Variants in PHKB observed in about 807,000 individuals in gnomAD.
PHKB encodes phosphorylase b kinase regulatory subunit beta.
Under a neutral mutation model 152.1 loss-of-function variants are expected in PHKB, and 122 were observed. The ratio of observed to expected loss-of-function variants is 0.80; its 90% confidence interval spans 0.69 to 0.93. The LOEUF (loss-of-function observed/expected upper bound fraction) is 0.93. PHKB is among the 40% of genes least tolerant of loss of function. The probability of loss-of-function intolerance (pLI) is 0.00; values close to 1 mark genes in which losing one functional copy is unlikely to be tolerated. For missense variants in PHKB, 1,304 were observed against 1,328.4 expected, an observed-to-expected ratio of 0.98 and a Z score of 0.29; for synonymous variants, 436 against 464.9, an observed-to-expected ratio of 0.94 and a Z score of 0.80.
Position 47,461,409 on chromosome 16 carries a change from C to G in PHKB, c.59C>G (p.Ala20Gly). 2 of 1,613,258 alleles carry G rather than the reference C, an allele frequency of 1.2e-6. No homozygotes were observed. The highest frequency in any genetic ancestry group is 1.7e-6 in the Non-Finnish European group (2 of 1,179,800). Reference protein sequence around the residue: ...EVSWKVLERRARTKRSGSVYE... With the variant: ...EVSWKVLERRGRTKRSGSVYE... ...AGCTGGAAGGTCTTGGAGCGAAGAG[C>G]TCGGACCAAGCGCTCAGGTTTGGCT... Residue 20 changes from alanine to glycine, a missense_variant, in exon 1 of 31, where the codon GCT (alanine) becomes GGT (glycine). Transcript: ENST00000323584.
intron 1 of PHKB, among the ~76,000 whole-genome samples, chr16:47,466,939 G>A (rs969074264): frequency 1.3e-5 from 2 of 152,066 alleles, no homozygotes; most frequent in African/African-American, 4.8e-5. Context: ...CGTACACCTG[G>A]GTCTGATTCA....
intron 6 of PHKB, among the ~76,000 whole-genome samples, chr16:47,516,029 G>A (rs558694994): frequency 6.6e-6 from 1 of 151,648 alleles, no homozygotes; most frequent in South Asian, 2.1e-4. Flanking sequence ...CCAGGTTCAA[G>A]CGATTCCCCT....
Position 47,699,342 on chromosome 16 carries a change from T to C in PHKB, c.3258T>C (p.Asn1086=). ...LLLEGEVKPN[N]DDPCLIS ...TGGAAGGAGAAGTCAAGCCAAACAA[T>C]GATGACCCGTGTCTGATTAGCTAGT... Residue 1086 remains asparagine, a synonymous_variant, in exon 31 of 31, where the codon AAT becomes AAC. Transcript: ENST00000323584. 6.2e-7 allele frequency: 1 copy of C among 1,614,114 alleles called. No homozygotes were observed. The highest frequency in any genetic ancestry group is 1.1e-5 in the South Asian group (1 of 91,080).
chr16:47,569,658 C>T (rs1320171954), intron 7 of PHKB, among the ~76,000 whole-genome samples: 2 of 152,152 alleles, frequency 1.3e-5, no homozygotes, highest in African/African-American at 4.8e-5. Context: ...GTCACTCTGT[C>T]ACCCAGGCTG....
At position 47,540,822 on chromosome 16, in the gene PHKB, T is replaced by G. The variant is rs1463477599; in HGVS notation, c.595-6611T>G. Among the ~76,000 whole-genome samples, 6 of 136,386 alleles carry G rather than the reference T, an allele frequency of 4.4e-5. No individual in the cohort carries two copies. In the East Asian group the frequency reaches 1.1e-3, roughly 24 times the overall value. The allele number at this position is 136,386 out of a possible 152,430, so 89.5% of individuals were successfully genotyped here. A position where few individuals can be genotyped will look rare whatever the true frequency, so the allele number is the denominator to read the frequency against. On this transcript the variant is annotated intron_variant, in intron 6 of 30. Coordinates refer to ENST00000323584, the MANE Select transcript of PHKB (RefSeq NM_000293.3). ...TAGTATCTAATCTAAATGTCCTGTT[T>G]TTTTTTTTTTTTTTTTTTTTGGAGA... is the stretch of plus-strand genomic sequence containing the variant.
At chr16:47,542,927 A>G (rs931495293) in intron 6 of PHKB, among the ~76,000 whole-genome samples, 2 of 152,200 alleles carry the variant, frequency 1.3e-5, no homozygotes, top group African/African-American at 4.8e-5. Context: ...TTCTAAATAT[A>G]CAATCATGTC....
intron 28 of PHKB, among the ~76,000 whole-genome samples, chr16:47,695,134 A>G (rs1239399024): frequency 6.6e-6 from 1 of 152,174 alleles, no homozygotes; most frequent in Non-Finnish European, 1.5e-5. Flanking sequence ...GACCCCTGGC[A>G]GTGTAGCTGC....
intron 1 of PHKB, among the ~76,000 whole-genome samples, chr16:47,474,874 G>A (rs1969841899): frequency 6.6e-6 from 1 of 152,054 alleles, no homozygotes; most frequent in Non-Finnish European, 1.5e-5. Context: ...ACAGGCATGC[G>A]CCACCATGCC....
intron 6 of PHKB, among the ~76,000 whole-genome samples, chr16:47,531,139 A>C (rs569277507): frequency 8.5e-4 from 130 of 152,282 alleles, no homozygotes; most frequent in Non-Finnish European, 1.6e-3. Context: ...GAAATGACTT[A>C]TATACACCCC....
intron 7 of PHKB, among the ~76,000 whole-genome samples, chr16:47,563,994 C>CTTTTTTTTTTTT (rs899061752): frequency 1.2e-5 from 1 of 82,026 alleles, no homozygotes; most frequent in African/African-American, 4.5e-5. Context: ...TTATTTCATT[C>CTTTTTTTTTTTT]TTTTTTTTTT....
intron 7 of PHKB, among the ~76,000 whole-genome samples, chr16:47,548,606 CA>C (rs11333810): frequency 0.2 from 16,670 of 83,436 alleles, 1,766 homozygotes; most frequent in African/African-American, 0.41. Context: ...GACTCCGTCT[CA>C]AAAAAAAAAA....
At chr16:47,653,619 C>T (rs1254416083) in intron 20 of PHKB, among the ~76,000 whole-genome samples, 7 of 151,988 alleles carry the variant, frequency 4.6e-5, no homozygotes, top group Non-Finnish European at 1.0e-4. Context: ...TCATATTAAC[C>T]AGAAATCTAC....
rs1308714279 is a variant in PHKB at position 47,669,376 on chromosome 16, T to G, written c.2589T>G (p.Asn863Lys). 6.2e-7 allele frequency: 1 copy of G among 1,614,210 alleles called. No individual in the cohort carries two copies. The highest frequency in any genetic ancestry group is 8.5e-7 in the Non-Finnish European group (1 of 1,180,020). ...TCCATATTGGCTGGATCATCTCCAA[T>G]AACCCTGAGTTATTCAGTGGCATGC... ...LVIHIGWIISNNPELFSGMLK... is the reference protein window; with the variant it reads ...LVIHIGWIISKNPELFSGMLK... Residue 863 changes from asparagine to lysine, a missense_variant, in exon 26 of 31, where the codon AAT becomes AAG. Transcript: ENST00000323584.
chr16:47,620,265 A>G (rs1219509089), intron 14 of PHKB, among the ~76,000 whole-genome samples: 2 of 152,248 alleles, frequency 1.3e-5, no homozygotes. Flanking sequence ...TCAATATTCA[A>G]GAGTACAAAT....
intron 28 of PHKB, among the ~76,000 whole-genome samples, chr16:47,693,833 T>G (rs1205983564): frequency 6.6e-6 from 1 of 152,208 alleles, no homozygotes; most frequent in African/African-American, 2.4e-5. Context: ...TATTCCCTTT[T>G]TAAAAACCAC....
chr16:47,693,445 G>A lies in PHKB; in HGVS notation c.2833G>A (p.Val945Met). 1 of 1,614,082 alleles carries A rather than the reference G, an allele frequency of 6.2e-7. No individual in the cohort carries two copies. Among genetic ancestry groups the A allele is most frequent in the Non-Finnish European group, 8.5e-7 (1 of 1,179,996 alleles). The change falls in exon 28 of 31, where the codon GTG becomes ATG. Residue 945 changes from valine to methionine, a missense_variant. Coordinates refer to ENST00000323584, the MANE Select transcript of PHKB (RefSeq NM_000293.3). The stretch of plus-strand genomic sequence containing the variant: ...AACTCCCACCGGGTTCTATGACCGA[G>A]TGTGGCAGATTCTGGAGCGCACGCC... Reference protein sequence around the residue: ...NRTPTGFYDRVWQILERTPNG... With the variant: ...NRTPTGFYDRMWQILERTPNG...
intron 7 of PHKB, among the ~76,000 whole-genome samples, chr16:47,551,554 T>G (rs1341762830): frequency 6.6e-6 from 1 of 152,240 alleles, no homozygotes; most frequent in Non-Finnish European, 1.5e-5. Flanking sequence ...TGAGTTCTAA[T>G]TTGATTGCAC....
chr16:47,591,422 A>G (rs1279387165), intron 10 of PHKB, among the ~76,000 whole-genome samples: 1 of 152,062 alleles, frequency 6.6e-6, no homozygotes, highest in Non-Finnish European at 1.5e-5. Context: ...GTCGGAGTGG[A>G]TGCTTTTCTG....
intron 4 of PHKB, among the ~76,000 whole-genome samples, chr16:47,503,590 G>T (rs1313206828): frequency 6.6e-6 from 1 of 152,138 alleles, no homozygotes; most frequent in African/African-American, 2.4e-5. Context: ...CAGCACTTTG[G>T]GAGGCCGAAG....
Sources: allele counts gnomAD v4.1 joint callset (sites outside exome capture counted in the v4.1 genomes callset), GRCh38; gene constraint gnomAD v4.1.1; transcripts MANE v1.5; gene names NCBI Gene and HGNC (gene_info 2026-07-23, HGNC 2026-07-21).